The following GRM5 variants were observed in gnomAD, a reference collection of about 807,000 sequenced individuals.
GRM5 encodes the protein metabotropic glutamate receptor 5.
Under a neutral mutation model 83.1 loss-of-function variants are expected in GRM5, and 19 were observed. The observed-to-expected ratio is 0.23, with a 90% CI of 0.16 to 0.34. GRM5 has a LOEUF of 0.34. GRM5 is among the 10% of genes least tolerant of loss of function. GRM5 has a pLI of 1.00. For missense variants in GRM5, 1,160 were observed against 1,588.3 expected (o/e 0.73, Z 4.58); for synonymous variants, 675 against 633.6 (o/e 1.07, Z -0.98).
intron 2 of GRM5, among the ~76,000 whole-genome samples, chr11:89,031,237 C>T (rs1941254664): frequency 6.6e-6 from 1 of 151,850 alleles, no homozygotes; most frequent in Admixed American, 6.6e-5. Flanking sequence ...ACTAACTAAA[C>T]TTTTTATGCC....
chr11:88,528,833 A>G (rs1941941652), intron 8 of GRM5, among the ~76,000 whole-genome samples: 1 of 152,054 alleles, frequency 6.6e-6, no homozygotes, highest in African/African-American at 2.4e-5. Flanking sequence ...AGCTGCTATT[A>G]TTCTCATTCT....
At chr11:88,889,315 C>A (rs1244022046) in intron 2 of GRM5, among the ~76,000 whole-genome samples, 1 of 152,076 alleles carries the variant, frequency 6.6e-6, no homozygotes, top group South Asian at 2.1e-4. Context: ...AAAGTTGGTT[C>A]AGCCTACACC....
At chr11:89,013,443 G>A (rs1484919592) in intron 2 of GRM5, among the ~76,000 whole-genome samples, 1 of 152,122 alleles carries the variant, frequency 6.6e-6, no homozygotes, top group Non-Finnish European at 1.5e-5. Context: ...GAATCAAGCT[G>A]GTTTACGGAT....
chr11:88,899,114 C>A (rs560646138), intron 2 of GRM5, among the ~76,000 whole-genome samples: 1 of 151,848 alleles, frequency 6.6e-6, no homozygotes, highest in South Asian at 2.1e-4. Flanking sequence ...TTTGACTAGC[C>A]TACAAACTTA....
chr11:88,904,892 C>T (rs140109479), intron 2 of GRM5, among the ~76,000 whole-genome samples: 3,422 of 152,184 alleles, frequency 0.022, 42 homozygotes, highest in Middle Eastern at 0.051. Context: ...GGAGAACTAT[C>T]AGGCTGCATT....
intron 6 of GRM5, among the ~76,000 whole-genome samples, chr11:88,593,742 C>T (rs1937711757): frequency 6.8e-6 from 1 of 146,402 alleles, no homozygotes; most frequent in Non-Finnish European, 1.5e-5. Flanking sequence ...CCCTCCCTCC[C>T]TCCTTCGCTC....
intron 2 of GRM5, among the ~76,000 whole-genome samples, chr11:88,913,633 C>A (rs1032717841): frequency 7.4e-6 from 1 of 134,956 alleles, no homozygotes; most frequent in African/African-American, 2.8e-5. Flanking sequence ...GTCACCCAGG[C>A]TGGAGTGCAG....
intron 2 of GRM5, among the ~76,000 whole-genome samples, chr11:88,998,923 C>T (rs1020293562): frequency 1.7e-4 from 26 of 151,842 alleles, no homozygotes; most frequent in Admixed American, 9.8e-4. Context: ...GGTAAAGGAA[C>T]TAGAATGCCG....
intron 3 of GRM5, among the ~76,000 whole-genome samples, chr11:88,810,295 T>C (rs1704268645): frequency 6.6e-6 from 1 of 152,014 alleles, no homozygotes; most frequent in South Asian, 2.1e-4. Context: ...TTAAAAAAAC[T>C]TGGGCTGGCT....
At chr11:88,663,457 T>C (rs1473018696) in intron 3 of GRM5, among the ~76,000 whole-genome samples, 5 of 152,178 alleles carry the variant, frequency 3.3e-5, no homozygotes, top group Admixed American at 3.3e-4. Context: ...TTTGGAGAAA[T>C]GCAAAAATTG....
At chr11:88,781,627 G>A (rs1027365743) in intron 3 of GRM5, among the ~76,000 whole-genome samples, 5 of 152,122 alleles carry the variant, frequency 3.3e-5, no homozygotes, top group African/African-American at 1.2e-4. Flanking sequence ...CATCCAGCAG[G>A]TCCATTTGTA....
intron 7 of GRM5, among the ~76,000 whole-genome samples, chr11:88,588,629 A>G (rs1304441788): frequency 6.6e-6 from 1 of 152,168 alleles, no homozygotes; most frequent in East Asian, 1.9e-4. Flanking sequence ...CTAAATATTT[A>G]TATTTATAAT....
chr11:88,539,388 T>C (rs1942212533), intron 8 of GRM5, among the ~76,000 whole-genome samples: 1 of 152,210 alleles, frequency 6.6e-6, no homozygotes, highest in Admixed American at 6.5e-5. Flanking sequence ...TTTATGTTCA[T>C]AGGGTTAGTT....
At chr11:88,527,368 C>T (rs1318797353) in intron 8 of GRM5, among the ~76,000 whole-genome samples, 2 of 152,052 alleles carry the variant, frequency 1.3e-5, no homozygotes, top group Non-Finnish European at 2.9e-5. Flanking sequence ...CTTTCTTTCT[C>T]TCATGACCAC....
At chr11:88,760,538 A>C (rs1295524378) in intron 3 of GRM5, among the ~76,000 whole-genome samples, 1 of 152,098 alleles carries the variant, frequency 6.6e-6, no homozygotes, top group Non-Finnish European at 1.5e-5. Context: ...ACAGACCAAT[A>C]ACAAGCTCTG....
At chr11:88,809,769 CA>C (rs5793350) in intron 3 of GRM5, among the ~76,000 whole-genome samples, 184 of 146,878 alleles carry the variant, frequency 1.3e-3, no homozygotes, top group African/African-American at 3.0e-3. Flanking sequence ...GTTAATATGT[CA>C]AAAAAAAAAA....
chr11:88,968,141 A>T (rs1343403478), intron 2 of GRM5, among the ~76,000 whole-genome samples: 1 of 152,166 alleles, frequency 6.6e-6, no homozygotes, highest in Non-Finnish European at 1.5e-5. Context: ...ATGTCATATT[A>T]AAATCATTGT....
chr11:88,553,899 C>T (rs1427065637), intron 8 of GRM5, among the ~76,000 whole-genome samples: 1 of 152,070 alleles, frequency 6.6e-6, no homozygotes, highest in Non-Finnish European at 1.5e-5. Flanking sequence ...CCAAAATCTC[C>T]TCTCCTTTTG....
chr11:88,640,313 C>T (rs2135285121), intron 4 of GRM5, among the ~76,000 whole-genome samples: 1 of 152,170 alleles, frequency 6.6e-6, no homozygotes, highest in East Asian at 1.9e-4. Flanking sequence ...ATAGTCTTTC[C>T]TAAAGTATGG....
Sources: gnomAD v4.1 joint callset for allele counts (sites outside exome capture counted in the v4.1 genomes callset) on GRCh38, gnomAD v4.1.1 for gene constraint, MANE v1.5 for transcripts, NCBI Gene and HGNC (gene_info 2026-07-23, HGNC 2026-07-21) for gene names.